The following MOGAT1 variants were observed in gnomAD, a reference collection of about 807,000 sequenced individuals.
The protein encoded by MOGAT1 is 2-acylglycerol O-acyltransferase 1.
In MOGAT1, 32 loss-of-function variants were observed where a neutral mutation model predicts 31.4. The ratio of observed to expected loss-of-function variants is 1.02; its 90% CI spans 0.77 to 1.37. The LOEUF (loss-of-function observed/expected upper bound fraction) is 1.37. Ranked by LOEUF, MOGAT1 falls within the 40% of genes most tolerant of loss-of-function variation. The pLI, the probability that MOGAT1 is intolerant of heterozygous loss-of-function variation, is 0.00. For missense variants in MOGAT1, 426 were observed against 402.0 expected, an observed-to-expected ratio of 1.06 and a Z score of -0.51; for synonymous variants, 145 against 144.5, an observed-to-expected ratio of 1.00 and a Z score of -0.03.
intron 5 of MOGAT1, among the ~76,000 whole-genome samples, chr2:222,708,272 C>T (rs941960403): frequency 2.6e-5 from 4 of 152,020 alleles, no homozygotes; most frequent in Non-Finnish European, 5.9e-5. Context: ...TTAGTAGAGA[C>T]GGTGTTTCGC....
In MOGAT1 at chr2:222,690,325, G is replaced by A. The variant is rs773602187; in HGVS notation, c.478+856G>A. 1.5e-4 allele frequency among the ~76,000 whole-genome samples: 23 copies of A among 152,242 alleles called. 1 individual carries two copies. Among genetic ancestry groups the A allele is most frequent in the Non-Finnish European group, 1.9e-4 (13 of 68,012 alleles). On this transcript the variant is annotated intron_variant, in intron 3 of 5. Transcript: ENST00000446656. ...TGTTATCTCAGCACTTTGGGAGGCC[G>A]AGGTGGGGTGAATCACTTGAGGTCA...
Position 222,709,782 on chromosome 2 carries a change from G to A in MOGAT1, c.900G>A (p.Glu300=), listed in dbSNP as rs1315728039. 3 of 1,613,542 alleles carry A rather than the reference G, an allele frequency of 1.9e-6. No individual in the cohort carries two copies. The highest frequency in any genetic ancestry group is 2.2e-5 in the South Asian group (2 of 91,052). The change falls in exon 6 of 6, where the codon GAG becomes GAA. Residue 300 remains glutamate (E), a synonymous_variant. Coordinates refer to ENST00000446656, the MANE Select transcript of MOGAT1 (RefSeq NM_058165.3). ...GTCAGACTCTGAACCCGACCCAGGA[G>A]CAGATTGAGGAGTTACATCAGACCT... ...PVRQTLNPTQ[E]QIEELHQTYM... is the part of the protein sequence containing the mutation.
At position 222,671,798 on chromosome 2, in the gene MOGAT1, T is replaced by A. The variant is rs755487022; in HGVS notation, c.13T>A (p.Phe5Ile). The part of the protein sequence containing the change: MKVE[F>I]APLNIQLARR... ...GCCCGGCCAGGCCATGAAGGTAGAG[T>A]TTGCACCGCTCAACATCCAGCTGGC... The change falls in exon 1 of 6, where the codon TTT becomes ATT. Residue 5 changes from phenylalanine to isoleucine, a missense_variant. Coordinates refer to ENST00000446656, the MANE Select transcript of MOGAT1 (RefSeq NM_058165.3). 1.3e-6 allele frequency: 2 copies of A among 1,552,392 alleles called. No homozygotes were observed. The highest frequency in any genetic ancestry group is 1.7e-6 in the Non-Finnish European group (2 of 1,147,934).
rs1375320059 is a variant in MOGAT1, at chr2:222,695,118, G to C, written c.683G>C (p.Gly228Ala). The C allele has an allele frequency of 1.2e-6, 2 of 1,604,026 alleles. No individual in the cohort carries two copies. The highest frequency in any genetic ancestry group is 8.5e-7 in the Non-Finnish European group (1 of 1,175,884). Residue 228 changes from glycine to alanine, a missense_variant, in exon 5 of 6, where the codon GGT (glycine) becomes GCT (alanine). Physicochemically the swap from Gly to Ala is moderately conservative, Grantham distance 60. Transcript: ENST00000446656. ...GASLVPVVSF[G>A]ENELFKQTDN... is the part of the protein sequence containing the mutation. ...TCTCTGGTCCCAGTGGTTTCTTTTG[G>C]TGAAAATGAACTGTTTAAACAAACT...
intron 5 of MOGAT1, among the ~76,000 whole-genome samples, chr2:222,696,356 G>A (rs554674511): frequency 2.3e-4 from 35 of 152,316 alleles, no homozygotes; most frequent in Non-Finnish European, 2.4e-4. Flanking sequence ...TTTCCCTAGC[G>A]GTTGTACTAG....
In MOGAT1 at chr2:222,689,230, CT is replaced by C. The variant is rs759763730; in HGVS notation, c.274-27del. 12 of 1,508,640 alleles carry C rather than the reference CT, an allele frequency of 8.0e-6. No homozygotes were observed. The African/African-American group carries it at 8.4e-5, about 11-fold the overall frequency. The allele number at this position is 1,508,640 out of a possible 1,614,324, so 93.5% of individuals were successfully genotyped here. On this transcript the variant is annotated intron_variant, in intron 2 of 5. Transcript: ENST00000446656. The stretch of plus-strand genomic sequence containing the variant: ...CATTGGAAAATAATAAGGGAAGTTT[CT>C]TTTTTTTAAAATCTCAATATGAATG...
At chr2:222,695,801 T>C (rs1359333497) in intron 5 of MOGAT1, among the ~76,000 whole-genome samples, 1 of 152,084 alleles carries the variant, frequency 6.6e-6, no homozygotes, top group Non-Finnish European at 1.5e-5. Flanking sequence ...GGGGAACAGG[T>C]GGTGTTTGGT....
intron 5 of MOGAT1, among the ~76,000 whole-genome samples, chr2:222,708,921 A>T (rs1693070377): frequency 6.6e-6 from 1 of 152,170 alleles, no homozygotes; most frequent in South Asian, 2.1e-4. Flanking sequence ...TTCTATTGAG[A>T]CGTTAGCTGT....
intron 1 of MOGAT1, among the ~76,000 whole-genome samples, chr2:222,679,400 T>C (rs1019734021): frequency 3.9e-5 from 6 of 152,236 alleles, no homozygotes; most frequent in African/African-American, 1.4e-4. Context: ...TCCATATGCA[T>C]TTTAGGATCA....
intron 1 of MOGAT1, among the ~76,000 whole-genome samples, chr2:222,682,112 C>G (rs1481339385): frequency 2.4e-5 from 3 of 126,568 alleles, no homozygotes; most frequent in African/African-American, 1.1e-4. Context: ...CTTTCTCTCC[C>G]TCTCACCACA....
At chr2:222,701,572 A>AG (rs1559234098) in intron 5 of MOGAT1, among the ~76,000 whole-genome samples, 2 of 129,346 alleles carry the variant, frequency 1.5e-5, no homozygotes, top group Non-Finnish European at 1.6e-5. Context: ...AGAAAGAAAG[A>AG]AAAGAAAGAA....
At chr2:222,681,848 G>A (rs569309554) in intron 1 of MOGAT1, among the ~76,000 whole-genome samples, 1 of 152,266 alleles carries the variant, frequency 6.6e-6, no homozygotes, top group East Asian at 1.9e-4. Context: ...GATGTACCTA[G>A]CACCCCTGTT....
At chr2:222,672,889 T>TTATTA (rs1553560983) in intron 1 of MOGAT1, among the ~76,000 whole-genome samples, 43 of 139,214 alleles carry the variant, frequency 3.1e-4, no homozygotes, top group Admixed American at 8.0e-4. Flanking sequence ...CTGGAATTTG[T>TTATTA]TTATTATTAT....
At chr2:222,671,980 C>G (rs1692425921) in intron 1 of MOGAT1, 101 bp downstream of exon 1, 6 of 964,138 alleles carry the variant, frequency 6.2e-6, no homozygotes, top group Non-Finnish European at 7.9e-6. Context: ...ACCCTCGTTC[C>G]CCTGTCGGCC....
intron 5 of MOGAT1, among the ~76,000 whole-genome samples, chr2:222,707,658 A>C (rs1028821309): frequency 1.3e-5 from 2 of 152,244 alleles, no homozygotes; most frequent in African/African-American, 2.4e-5. Flanking sequence ...TGAGTTAAAC[A>C]GGACTTATGT....
At chr2:222,687,966 T>A (rs933872356) in intron 1 of MOGAT1, among the ~76,000 whole-genome samples, 77 of 152,196 alleles carry the variant, frequency 5.1e-4, no homozygotes, top group Admixed American at 2.3e-3. Context: ...GCTGTGTGGC[T>A]TGGGCAACTC....
chr2:222,706,019 A>G (rs1311926555), intron 5 of MOGAT1, among the ~76,000 whole-genome samples: 2 of 152,226 alleles, frequency 1.3e-5, no homozygotes, highest in African/African-American at 2.4e-5. Context: ...GGTTAGTTTA[A>G]GAAGCAGGGG....
At chr2:222,689,131 G>T (rs1692720366) in intron 2 of MOGAT1, 134 bp from the exon 3 acceptor site, 7 of 759,426 alleles carry the variant, frequency 9.2e-6, no homozygotes, top group African/African-American at 8.8e-5. Context: ...TTTGGAAACA[G>T]CTCCAACCCA....
intron 2 of MOGAT1, among the ~76,000 whole-genome samples, 188 bp from the exon 3 acceptor site, chr2:222,689,077 A>C (rs1692719778): frequency 6.6e-6 from 1 of 152,230 alleles, no homozygotes; most frequent in South Asian, 2.1e-4. Flanking sequence ...AAAATCTAGA[A>C]GGCTATATAT....
Sources: gnomAD v4.1 joint callset for allele counts (sites outside exome capture counted in the v4.1 genomes callset) on GRCh38, gnomAD v4.1.1 for gene constraint, MANE v1.5 for transcripts, NCBI Gene and HGNC (gene_info 2026-07-23, HGNC 2026-07-21) for gene names.